The following CSMD2 variants were observed in gnomAD, a reference collection of about 807,000 sequenced individuals.
CSMD2 encodes CUB and sushi domain-containing protein 2.
In CSMD2, 130 loss-of-function variants were observed where a neutral mutation model predicts 398.5. That is an observed-to-expected ratio of 0.33 (90% confidence interval 0.28 to 0.38). CSMD2 has a LOEUF of 0.38. Among genes scored for constraint, CSMD2 ranks in the 10% least tolerant of loss-of-function variants. The pLI is 1.00. For synonymous variants in CSMD2, 1,828 were observed against 1,908.5 expected, an observed-to-expected ratio of 0.96 and a Z score of 1.10; for missense variants, 3,829 against 4,764.9, an observed-to-expected ratio of 0.80 and a Z score of 5.78.
At chr1:33,845,249 A>T (rs1661242169) in intron 6 of CSMD2, among the ~76,000 whole-genome samples, 1 of 152,242 alleles carries the variant, frequency 6.6e-6, no homozygotes, top group South Asian at 2.1e-4. Flanking sequence ...ATCTTGGGCT[A>T]GTTACAACCT....
chr1:34,018,216 A>T (rs1648405302), intron 3 of CSMD2, among the ~76,000 whole-genome samples: 1 of 152,210 alleles, frequency 6.6e-6, no homozygotes, highest in Non-Finnish European at 1.5e-5. Context: ...TGTATTGCCA[A>T]ATAATGCTAT....
At chr1:33,921,082 C>CAAG (rs1558106100) in intron 4 of CSMD2, among the ~76,000 whole-genome samples, 1 of 152,136 alleles carries the variant, frequency 6.6e-6, no homozygotes, top group Non-Finnish European at 1.5e-5. Context: ...GACAGGAAGG[C>CAAG]AAGAGCTGGA....
rs201787992 is a variant in CSMD2, at chr1:33,624,624, G to A, written c.5520C>T (p.Leu1840=). 5.0e-6 allele frequency: 8 copies of A among 1,613,520 alleles called. No homozygotes were observed. Among genetic ancestry groups the A allele is most frequent in the Non-Finnish European group, 6.8e-6 (8 of 1,179,720 alleles). Residue 1840 remains leucine (L), a synonymous_variant, in exon 35 of 71, where the codon CTC becomes CTT. Coordinates refer to ENST00000373381, the MANE Select transcript of CSMD2 (RefSeq NM_001281956.2). This position sits in a 1 kb window ranked among gnomAD's most constrained non-coding sequence, Gnocchi z 4.7. ...PTCVVPCGGN[L]TERRGTILSP... ...ACAGGATGGTGCCCCTGCGCTCTGT[G>A]AGGTTGCCTCCACACGGCACTGGGA...
At chr1:34,058,900 G>T (rs1654158514) in intron 2 of CSMD2, among the ~76,000 whole-genome samples, 1 of 152,170 alleles carries the variant, frequency 6.6e-6, no homozygotes, top group Non-Finnish European at 1.5e-5. Flanking sequence ...ATCTCAACTA[G>T]CCTTGAACCT....
intron 31 of CSMD2, among the ~76,000 whole-genome samples, chr1:33,634,619 C>T (rs190267768): frequency 2.5e-4 from 38 of 152,334 alleles, no homozygotes; most frequent in African/African-American, 8.9e-4. Context: ...GTCCCCACTG[C>T]CAACCAGGTA....
chr1:33,873,513 C>T (rs1156382428), intron 5 of CSMD2: 2 of 152,226 alleles, frequency 1.3e-5, no homozygotes, highest in Non-Finnish European at 2.9e-5. Flanking sequence ...TCCTCTCTCT[C>T]TGGCTCTACT....
Position 33,615,502 on chromosome 1 carries a change from C to T in CSMD2, c.6017-882G>A, listed in dbSNP as rs1247360749. The stretch of plus-strand genomic sequence containing the variant: ...GCTCCAGCCTCGACTGCCTGTGTCA[C>T]AATCCCACCTTCACTTCCGATGGGA... On this transcript the variant is annotated intron_variant, in intron 39 of 70. Transcript: ENST00000373381. Among the ~76,000 whole-genome samples the T allele has an allele frequency of 2.0e-5, 3 of 152,160 alleles. No individual in the cohort carries two copies. In the East Asian group the frequency reaches 5.8e-4, roughly 29 times the overall value.
At chr1:33,864,850 G>A in intron 5 of CSMD2, 2 of 1,044,888 alleles carry the variant, frequency 1.9e-6, no homozygotes, top group East Asian at 5.1e-5. Context: ...GCTTTGTGGA[G>A]GAGGGAGTGG....
chr1:34,163,961 G>C lies in CSMD2; in HGVS notation c.187+950C>G, dbSNP rs1442826243. Reference sequence around the variant, plus strand: ...GAAGGTTCGCGTACCTCCCCCGCGCGCTGCAAGCTGCAGCCAGACACCCGC... The same window carrying C: ...GAAGGTTCGCGTACCTCCCCCGCGCCCTGCAAGCTGCAGCCAGACACCCGC... On this transcript the variant is annotated intron_variant, in intron 1 of 70. Transcript: ENST00000373381. The surrounding 1 kb of genome is among the most constrained non-coding windows in gnomAD (Gnocchi z 5.4). Among the ~76,000 whole-genome samples the C allele has an allele frequency of 2.0e-5, 3 of 152,054 alleles. No individual in the cohort carries two copies. In the East Asian group the frequency reaches 5.8e-4, roughly 30 times the overall value.
At chr1:33,987,357 C>G (rs576974532) in intron 3 of CSMD2, among the ~76,000 whole-genome samples, 1 of 152,080 alleles carries the variant, frequency 6.6e-6, no homozygotes, top group African/African-American at 2.4e-5. Context: ...CCGCATAATA[C>G]CCCAGAAGGT....
chr1:33,559,418 C>T lies in CSMD2; in HGVS notation c.8436G>A (p.Gln2812=). The change falls in exon 54 of 71, where the codon CAG becomes CAA. Residue 2812 remains glutamine (Q), a synonymous_variant. Coordinates refer to ENST00000373381, the MANE Select transcript of CSMD2 (RefSeq NM_001281956.2). The surrounding 1 kb of genome is among the most constrained non-coding windows in gnomAD (Gnocchi z 4.0). The part of the protein sequence containing the change: ...NPVNGLTQGN[Q]FNLNDVVKFV... ...ACTTGACCACATCGTTGAGGTTAAA[C>T]TGGTTACCCTGAGTGAGGCCGTTGA... is the stretch of plus-strand genomic sequence containing the variant. 1 of 1,536,172 alleles carries T rather than the reference C, an allele frequency of 6.5e-7. No individual in the cohort carries two copies. The highest frequency in any genetic ancestry group is 8.7e-7 in the Non-Finnish European group (1 of 1,146,906).
Position 33,537,226 on chromosome 1 carries a change from C to T in CSMD2, c.9806-131G>A. On this transcript the variant is annotated intron_variant, in intron 61 of 70. Transcript: ENST00000373381. This position sits in a 1 kb window ranked among gnomAD's most constrained non-coding sequence, Gnocchi z 4.6. ...ACTTCCCTGCCCACTGAGATCCCCACCTGAGCCTTGGCCCTGGCTGTCTAT... is the reference window on the plus strand; with the variant it reads ...ACTTCCCTGCCCACTGAGATCCCCATCTGAGCCTTGGCCCTGGCTGTCTAT... 3 of 1,148,070 alleles carry T rather than the reference C, an allele frequency of 2.6e-6. No individual in the cohort carries two copies. The East Asian group carries it at 7.2e-5, about 28-fold the overall frequency. 71.1% of individuals were successfully genotyped at this position (1,148,070 alleles called of 1,614,324 possible).
chr1:33,654,724 G>C (rs1441964276), intron 27 of CSMD2, among the ~76,000 whole-genome samples: 2 of 152,236 alleles, frequency 1.3e-5, no homozygotes, highest in African/African-American at 4.8e-5. Context: ...AGAGTGGAAA[G>C]CCAGTGTCAT....
chr1:33,898,804 C>T (rs181198004), intron 5 of CSMD2, among the ~76,000 whole-genome samples: 157 of 152,274 alleles, frequency 1.0e-3, no homozygotes, highest in Non-Finnish European at 1.7e-3. Flanking sequence ...AAGATGGAGG[C>T]CACGTCAGCG....
chr1:34,058,957 T>C (rs2148253035), intron 2 of CSMD2, among the ~76,000 whole-genome samples: 1 of 152,220 alleles, frequency 6.6e-6, no homozygotes, highest in Admixed American at 6.5e-5. Flanking sequence ...TGCTGCTTCT[T>C]AGGTGGCGGT....
rs1236422477 is a variant in CSMD2 at position 33,533,962 on chromosome 1, G to A, written c.9880-55C>T. 12 of 1,139,392 alleles carry A rather than the reference G, an allele frequency of 1.1e-5. No individual in the cohort carries two copies. The highest frequency in any genetic ancestry group is 3.8e-4 in the Middle Eastern group (2 of 5,200). 70.6% of individuals were successfully genotyped at this position (1,139,392 alleles called of 1,614,324 possible). On this transcript the variant is annotated intron_variant, in intron 62 of 70. Transcript: ENST00000373381. The surrounding 1 kb of genome is among the most constrained non-coding windows in gnomAD (Gnocchi z 4.2). ...CCTTCCTTTCAGCGGTGCTTCCTAC[G>A]TCTGTCCCTTGACCACTTTCACATG...
intron 3 of CSMD2, among the ~76,000 whole-genome samples, chr1:33,984,531 G>A (rs1646282247): frequency 6.6e-6 from 1 of 152,154 alleles, no homozygotes; most frequent in Non-Finnish European, 1.5e-5. Context: ...TGGGTGCAGT[G>A]GCTCACGCCT....
At position 33,550,703 on chromosome 1, in the gene CSMD2, T is replaced by C. The variant is rs192028990; in HGVS notation, c.8744-353A>G. On this transcript the variant is annotated intron_variant, in intron 55 of 70. Transcript: ENST00000373381. ...ACGCAGAGTATACACAAGACAAAAA[T>C]GGGAGCTCTGTCACCCTCAGATTGT... Among the ~76,000 whole-genome samples, 198 of 152,276 alleles carry C rather than the reference T, an allele frequency of 1.3e-3. 1 individual carries two copies. Among genetic ancestry groups the C allele is most frequent in the Non-Finnish European group, 2.1e-3 (142 of 68,020 alleles).
chr1:33,832,168 G>A (rs1659656937), intron 6 of CSMD2, among the ~76,000 whole-genome samples: 1 of 136,750 alleles, frequency 7.3e-6, no homozygotes, highest in African/African-American at 2.9e-5. Flanking sequence ...GGACCTAATA[G>A]ACATCTACAG....
Sources: gnomAD v4.1 joint callset for allele counts (sites outside exome capture counted in the v4.1 genomes callset) on GRCh38, gnomAD v4.1.1 for gene constraint, Gnocchi (gnomAD v3.1) non-coding constraint, MANE v1.5 for transcripts, NCBI Gene and HGNC (gene_info 2026-07-23, HGNC 2026-07-21) for gene names.